SGIP1: variants seen among roughly 807,000 people sequenced by gnomAD.
SGIP1 encodes SH3GL interacting endocytic adaptor 1.
In SGIP1, 38 loss-of-function variants were observed where a neutral mutation model predicts 107.5. The ratio of observed to expected loss-of-function variants is 0.35; its 90% CI spans 0.27 to 0.46. The LOEUF is 0.46. SGIP1 is among the 20% of genes least tolerant of loss of function. The pLI is 1.00. For synonymous variants in SGIP1, 365 were observed against 366.1 expected, an observed-to-expected ratio of 1.00 and a Z score of 0.03; for missense variants, 929 against 1,019.5, an observed-to-expected ratio of 0.91 and a Z score of 1.21.
intron 7 of SGIP1, among the ~76,000 whole-genome samples, chr1:66,653,669 A>C (rs968305061): frequency 2.6e-5 from 4 of 152,200 alleles, no homozygotes; most frequent in Non-Finnish European, 5.9e-5. Flanking sequence ...TCATTGAATA[A>C]GGCTGTGTAC....
chr1:66,699,796 T>A (rs1405445165), intron 18 of SGIP1, among the ~76,000 whole-genome samples: 1 of 151,984 alleles, frequency 6.6e-6, no homozygotes, highest in East Asian at 1.9e-4. Context: ...GATAAATAAG[T>A]AAAATATATA....
intron 1 of SGIP1, among the ~76,000 whole-genome samples, chr1:66,587,454 A>G (rs770843719): frequency 4.0e-5 from 6 of 151,598 alleles, no homozygotes; most frequent in African/African-American, 7.3e-5. Context: ...TCTGTTATTG[A>G]GCCATCCACT....
intron 1 of SGIP1, among the ~76,000 whole-genome samples, chr1:66,622,014 A>C (rs550207979): frequency 1.1e-4 from 16 of 152,304 alleles, no homozygotes; most frequent in South Asian, 4.2e-4. Flanking sequence ...TATGAGAAGT[A>C]CTCTGTATTC....
At chr1:66,599,862 CACTTGGGATCTATTTTCAACCTGATGA>C (rs1482606380) in intron 1 of SGIP1, among the ~76,000 whole-genome samples, 1 of 152,156 alleles carries the variant, frequency 6.6e-6, no homozygotes, top group African/African-American at 2.4e-5. Context: ...GGGAATTGGA[CACTTGGGATCTATTTTCAACCTGATGA>C]ACTCCAATTG....
At chr1:66,627,827 C>G (rs1360948546) in intron 2 of SGIP1, among the ~76,000 whole-genome samples, 2 of 151,970 alleles carry the variant, frequency 1.3e-5, no homozygotes, top group Non-Finnish European at 2.9e-5. Flanking sequence ...TATACATGTG[C>G]CATGTTGGTG....
chr1:66,675,332 C>T (rs2084940947), intron 12 of SGIP1, among the ~76,000 whole-genome samples: 1 of 152,058 alleles, frequency 6.6e-6, no homozygotes, highest in Non-Finnish European at 1.5e-5. Context: ...GGAGGAGATA[C>T]ACACCCAGAC....
chr1:66,673,514 G>C, intron 12 of SGIP1, 148 bp downstream of exon 12: 1 of 677,814 alleles, frequency 1.5e-6, no homozygotes, highest in Non-Finnish European at 2.2e-6. Flanking sequence ...GTGCTGTCAA[G>C]AACAGAAGTT....
chr1:66,671,343 A>C (rs1328417316), intron 10 of SGIP1, among the ~76,000 whole-genome samples: 1 of 152,186 alleles, frequency 6.6e-6, no homozygotes, highest in Non-Finnish European at 1.5e-5. Flanking sequence ...GGGTGGGAAG[A>C]ACAGGCGGGC....
chr1:66,590,641 G>A (rs1342738228), intron 1 of SGIP1: 1 of 152,118 alleles, frequency 6.6e-6, no homozygotes, highest in African/African-American at 2.4e-5. Flanking sequence ...CTAGATCGTA[G>A]GATATTATTC....
intron 21 of SGIP1, 136 bp downstream of exon 21, chr1:66,734,016 G>A: frequency 1.0e-6 from 1 of 975,412 alleles, no homozygotes; most frequent in Non-Finnish European, 1.4e-6. Flanking sequence ...TTTTTAAATG[G>A]AAACTTTAAA....
intron 1 of SGIP1, among the ~76,000 whole-genome samples, chr1:66,582,665 T>C (rs1194795453): frequency 1.3e-5 from 2 of 152,008 alleles, no homozygotes; most frequent in African/African-American, 4.8e-5. Context: ...AAATAATTGA[T>C]AATTGATTCA....
rs145942127 is a variant in SGIP1, at chr1:66,584,314, T to A, written c.11-41533T>A. On this transcript the variant is annotated intron_variant, in intron 1 of 24. Transcript: ENST00000371037. ...AAATGCTTATCAGATGCTGTTTGGATTCTCCAATACCTAGATAAATAAATT... is the reference window on the plus strand; with the variant it reads ...AAATGCTTATCAGATGCTGTTTGGAATCTCCAATACCTAGATAAATAAATT... 5.8e-3 allele frequency among the ~76,000 whole-genome samples: 881 copies of A among 152,250 alleles called. 10 individuals are homozygous for A. Among genetic ancestry groups the A allele is most frequent in the African/African-American group, 0.02 (826 of 41,552 alleles).
At chr1:66,675,559 T>TTTG (rs2085087750) in intron 12 of SGIP1, among the ~76,000 whole-genome samples, 1 of 143,698 alleles carries the variant, frequency 7.0e-6, no homozygotes, top group South Asian at 2.2e-4. Flanking sequence ...TTTTTTTTTT[T>TTTG]GACAGAATCT....
intron 1 of SGIP1, among the ~76,000 whole-genome samples, chr1:66,537,571 G>A (rs911821374): frequency 9.2e-5 from 14 of 152,074 alleles, no homozygotes; most frequent in South Asian, 2.1e-4. Context: ...GGCGTTTTGC[G>A]TTTTTAGTTC....
chr1:66,691,761 G>C (rs2089903656), intron 17 of SGIP1, among the ~76,000 whole-genome samples: 1 of 152,190 alleles, frequency 6.6e-6, no homozygotes, highest in South Asian at 2.1e-4. Context: ...AGAGAGGAAA[G>C]TAAGAGTAAA....
chr1:66,749,001 G>GA lies in SGIP1; in HGVS notation c.*5913dup, dbSNP rs1008396893. On this transcript the variant is annotated 3_prime_UTR_variant, in exon 25 of 25. Transcript: ENST00000371037. ...TAAATAAAATAACCAGGAATGCTTT[G>GA]AAAAAAATGCTTCTGGAATTTTGTT... Among the ~76,000 whole-genome samples, 1 of 151,562 alleles carries GA rather than the reference G, an allele frequency of 6.6e-6. No individual in the cohort carries two copies. The highest frequency in any genetic ancestry group is 1.5e-5 in the Non-Finnish European group (1 of 67,766).
chr1:66,580,430 TTCTTG>T (rs1456317329), intron 1 of SGIP1, among the ~76,000 whole-genome samples: 1 of 152,152 alleles, frequency 6.6e-6, no homozygotes, highest in African/African-American at 2.4e-5. Flanking sequence ...TAAAAAGTCT[TTCTTG>T]AGCATACCAC....
chr1:66,642,800 TG>T lies in SGIP1; in HGVS notation c.229-9del. 1 of 1,606,924 alleles carries T rather than the reference TG, an allele frequency of 6.2e-7. No homozygotes were observed. Among genetic ancestry groups the T allele is most frequent in the Non-Finnish European group, 8.5e-7 (1 of 1,176,904 alleles). On this transcript the variant is annotated splice_polypyrimidine_tract_variant and intron_variant, in intron 5 of 24. Coordinates refer to ENST00000371037, the MANE Select transcript of SGIP1 (RefSeq NM_032291.4). ...ATAATAATTACTTCATGTGCACTTG[TG>T]TTTTATAGAACTCACCTGAGCTGGA...
chr1:66,738,220 T>C (rs1355980120), intron 21 of SGIP1, among the ~76,000 whole-genome samples: 3 of 152,220 alleles, frequency 2.0e-5, no homozygotes, highest in South Asian at 2.1e-4. Context: ...AAGAATCCAT[T>C]TGGGGGCTTG....
Sources: allele counts gnomAD v4.1 joint callset (sites outside exome capture counted in the v4.1 genomes callset), GRCh38; gene constraint gnomAD v4.1.1; transcripts MANE v1.5; gene names NCBI Gene and HGNC (gene_info 2026-07-23, HGNC 2026-07-21).